Variants in RIMBP2 observed in about 807,000 individuals in gnomAD.
RIMBP2 encodes RIMS binding protein 2.
RIMBP2 carries 48 observed loss-of-function variants against 118.6 expected under a neutral mutation model. The observed-to-expected ratio is 0.40, with a 90% confidence interval of 0.32 to 0.51. RIMBP2 has a LOEUF of 0.51. Among genes scored for constraint, RIMBP2 ranks in the 20% least tolerant of loss-of-function variants. RIMBP2 has a pLI of 0.41. For synonymous variants in RIMBP2, 762 were observed against 742.9 expected (o/e 1.03, Z -0.42); for missense variants, 1,551 against 1,768.3 (o/e 0.88, Z 2.20).
rs2078576655 is a variant in RIMBP2 at position 130,447,004 on chromosome 12, TCAGGGGGATCTG to T, written c.582-1747_582-1736del. Among the ~76,000 whole-genome samples the T allele has an allele frequency of 7.7e-6, 1 of 129,078 alleles. No homozygotes were observed. Among genetic ancestry groups the T allele is most frequent in the South Asian group, 2.7e-4 (1 of 3,732 alleles). 84.7% of individuals were successfully genotyped at this position (129,078 alleles called of 152,430 possible). ...GACACAAGTCACTGAGTGGGGGTTT[TCAGGGGGATCTG>T]CAGGGGGGTCTGGATGGGTAGATGG... On this transcript the variant is annotated intron_variant, in intron 9 of 22. Transcript: ENST00000690449. This position sits in a 1 kb window ranked among gnomAD's most constrained non-coding sequence, Gnocchi z 4.4.
intron 2 of RIMBP2, among the ~76,000 whole-genome samples, chr12:130,570,651 TGGA>T (rs2057561652): frequency 6.6e-6 from 1 of 152,106 alleles, no homozygotes; most frequent in Non-Finnish European, 1.5e-5. Flanking sequence ...CTCTGCACTG[TGGA>T]GGAGTCGTCT....
chr12:130,637,280 G>A (rs1022148777), intron 1 of RIMBP2, among the ~76,000 whole-genome samples: 6 of 152,162 alleles, frequency 3.9e-5, no homozygotes, highest in South Asian at 2.1e-4. Context: ...TGCCCCAGTG[G>A]AATGGGAGGC....
intron 1 of RIMBP2, among the ~76,000 whole-genome samples, chr12:130,641,514 G>A (rs1329641692): frequency 2.6e-5 from 4 of 152,066 alleles, no homozygotes; most frequent in African/African-American, 4.8e-5. Context: ...CCGGCATCAC[G>A]GGCTGGATTT....
At chr12:130,593,089 G>C (rs140517189) in intron 2 of RIMBP2, among the ~76,000 whole-genome samples, 1 of 152,094 alleles carries the variant, frequency 6.6e-6, no homozygotes, top group East Asian at 1.9e-4. Flanking sequence ...GGCTCTTCCC[G>C]GGCCCATTCC....
At position 130,618,411 on chromosome 12, in the gene RIMBP2, C is replaced by T. The variant is rs150980149; in HGVS notation, c.-217+9911G>A. On this transcript the variant is annotated intron_variant, in intron 2 of 22. Coordinates refer to ENST00000690449, the MANE Select transcript of RIMBP2 (RefSeq NM_001393629.1). The stretch of plus-strand genomic sequence containing the variant: ...ACTCCATGGGCCCTGGTCCAAGGAG[C>T]GAGCCCCACAGCGGATCCTACTGGC... 5.1e-3 allele frequency among the ~76,000 whole-genome samples: 779 copies of T among 152,202 alleles called. 9 individuals carry two copies. Among genetic ancestry groups the T allele is most frequent in the African/African-American group, 0.018 (729 of 41,528 alleles).
intron 16 of RIMBP2, among the ~76,000 whole-genome samples, chr12:130,423,794 C>T (rs949115233): frequency 1.3e-5 from 2 of 150,888 alleles, no homozygotes; most frequent in South Asian, 2.1e-4. Context: ...TAAATAAATC[C>T]CTAAGGATCC....
Position 130,437,148 on chromosome 12 carries a change from G to C in RIMBP2, c.1800C>G (p.Pro600=). Residue 600 remains proline, a synonymous_variant, in exon 13 of 23, where the codon CCC becomes CCG. Transcript: ENST00000690449. The part of the protein sequence containing the change: ...SVDSAVAAVP[P]ELLVPPTPHP... Reference sequence around the variant, plus strand: ...GGGGGGTAGGAGGCACCAGGAGCTCGGGGGGAACGGCAGCAACTGCAGAGT... The same window carrying C: ...GGGGGGTAGGAGGCACCAGGAGCTCCGGGGGAACGGCAGCAACTGCAGAGT... 1.3e-6 allele frequency: 2 copies of C among 1,584,912 alleles called. No individual in the cohort carries two copies. The highest frequency in any genetic ancestry group is 2.3e-5 in the East Asian group (1 of 43,720).
intron 4 of RIMBP2, among the ~76,000 whole-genome samples, chr12:130,487,519 C>A (rs911385707): frequency 6.6e-6 from 1 of 152,208 alleles, no homozygotes; most frequent in African/African-American, 2.4e-5. Flanking sequence ...GAGGCCTCAC[C>A]AGAAGCTGAG....
At chr12:130,609,123 A>G (rs1487560504) in intron 2 of RIMBP2, among the ~76,000 whole-genome samples, 3 of 152,154 alleles carry the variant, frequency 2.0e-5, no homozygotes, top group Non-Finnish European at 4.4e-5. Flanking sequence ...AAAAAGCAAA[A>G]ATGGAATGGC....
At chr12:130,667,357 T>C (rs2063997302) in intron 1 of RIMBP2, 1 of 152,140 alleles carries the variant, frequency 6.6e-6, no homozygotes, top group African/African-American at 2.4e-5. Context: ...TTAAACTGGA[T>C]AATTTGAAGA....
At chr12:130,535,284 A>G (rs2053887225) in intron 2 of RIMBP2, among the ~76,000 whole-genome samples, 1 of 152,176 alleles carries the variant, frequency 6.6e-6, no homozygotes, top group Non-Finnish European at 1.5e-5. Flanking sequence ...GAATCACATA[A>G]GGCCAGGAGT....
rs148228796 is a variant in RIMBP2 at position 130,676,449 on chromosome 12, C to G, written c.-352+39773G>C. On this transcript the variant is annotated intron_variant, in intron 1 of 22. Coordinates refer to ENST00000690449, the MANE Select transcript of RIMBP2 (RefSeq NM_001393629.1). The stretch of plus-strand genomic sequence containing the variant: ...ACCATCCTGGCCAACATGGTGAAAC[C>G]CCATCTCTACTAAAAATACAAAAAT... Among the ~76,000 whole-genome samples the G allele has an allele frequency of 6.2e-3, 947 of 151,594 alleles. 11 individuals carry two copies. Among genetic ancestry groups the G allele is most frequent in the African/African-American group, 0.021 (867 of 41,308 alleles).
In RIMBP2 at chr12:130,434,686, G is replaced by C. The variant is rs758104213; in HGVS notation, c.2253+48C>G. The C allele has an allele frequency of 1.3e-6, 2 of 1,575,440 alleles. No individual in the cohort carries two copies. Among genetic ancestry groups the C allele is most frequent in the Admixed American group, 1.8e-5 (1 of 55,722 alleles). On this transcript the variant is annotated intron_variant, in intron 14 of 22. Transcript: ENST00000690449. This position sits in a 1 kb window ranked among gnomAD's most constrained non-coding sequence, Gnocchi z 5.7. ...TCTTGATCTCCACGGGGCCCGCTCC[G>C]AGCCCGCGCCCACCAGGAGGATGGT...
intron 2 of RIMBP2, among the ~76,000 whole-genome samples, chr12:130,628,104 C>A (rs1409349070): frequency 6.6e-6 from 1 of 152,212 alleles, no homozygotes; most frequent in African/African-American, 2.4e-5. Context: ...TCTTTCTTGC[C>A]TCAGGGCCTT....
chr12:130,615,730 G>A (rs2060890087), intron 2 of RIMBP2, among the ~76,000 whole-genome samples: 1 of 152,144 alleles, frequency 6.6e-6, no homozygotes, highest in Non-Finnish European at 1.5e-5. Flanking sequence ...GCTTACCTGG[G>A]CTATGGAATG....
At chr12:130,423,993 G>A (rs1421783175) in intron 16 of RIMBP2, 149 bp downstream of exon 16, 1 of 421,330 alleles carries the variant, frequency 2.4e-6, no homozygotes, top group Non-Finnish European at 4.0e-6. Flanking sequence ...AAGCAAATCG[G>A]ACTTGAGAAA....
intron 2 of RIMBP2, among the ~76,000 whole-genome samples, chr12:130,619,773 G>A (rs112949952): frequency 1.3e-4 from 20 of 152,206 alleles, no homozygotes; most frequent in Middle Eastern, 3.4e-3. Context: ...TGTTTGCACC[G>A]GGGAGCTGGC....
At chr12:130,459,440 G>A (rs949061653) in intron 6 of RIMBP2, among the ~76,000 whole-genome samples, 1 of 152,010 alleles carries the variant, frequency 6.6e-6, no homozygotes, top group Non-Finnish European at 1.5e-5. Context: ...GGGGCCACGG[G>A]AACTCCCCCT....
intron 3 of RIMBP2, among the ~76,000 whole-genome samples, chr12:130,508,423 T>A (rs1231152251): frequency 6.6e-6 from 1 of 151,978 alleles, no homozygotes; most frequent in Non-Finnish European, 1.5e-5. Flanking sequence ...GGCCTCCTTC[T>A]GTCCCTTAAA....
Sources: allele counts gnomAD v4.1 joint callset (sites outside exome capture counted in the v4.1 genomes callset), GRCh38; gene constraint gnomAD v4.1.1; non-coding constraint Gnocchi (gnomAD v3.1); transcripts MANE v1.5; gene names NCBI Gene and HGNC (gene_info 2026-07-23, HGNC 2026-07-21).